Variants in FGF14 observed in about 807,000 individuals in gnomAD.
FGF14 encodes the protein fibroblast growth factor homologous factor 4.
A neutral mutation model predicts 25.5 loss-of-function variants in FGF14; 5 were observed. That is an observed-to-expected ratio of 0.20 (90% CI 0.10 to 0.41). FGF14 has a LOEUF of 0.41. FGF14 is among the 10% of genes least tolerant of loss of function. The probability of loss-of-function intolerance (pLI) is 1.00; values close to 1 mark genes in which losing one functional copy is unlikely to be tolerated. For synonymous variants in FGF14, 138 were observed against 118.3 expected, an observed-to-expected ratio of 1.17 and a Z score of -1.08; for missense variants, 222 against 320.1, an observed-to-expected ratio of 0.69 and a Z score of 2.34.
chr13:102,131,738 T>A (rs1312775135), intron 1 of FGF14, among the ~76,000 whole-genome samples: 2 of 152,214 alleles, frequency 1.3e-5, no homozygotes, highest in African/African-American at 4.8e-5. Flanking sequence ...TTCTAAGATG[T>A]TCTAGGCTTT....
At chr13:102,296,691 C>G (rs1411196527) in intron 1 of FGF14, among the ~76,000 whole-genome samples, 1 of 152,124 alleles carries the variant, frequency 6.6e-6, no homozygotes, top group East Asian at 1.9e-4. Flanking sequence ...CAAACCACTT[C>G]CCCCAGAAAA....
intron 3 of FGF14, among the ~76,000 whole-genome samples, chr13:101,753,272 CACACACACACAGACACACACAGACAG>C: frequency 7.3e-6 from 1 of 137,206 alleles, no homozygotes; most frequent in South Asian, 2.6e-4. Flanking sequence ...TGATCAAATA[CACACACACACAGACACACACAGACAG>C]ACACACACAC....
chr13:101,884,467 T>C (rs1250290438), intron 1 of FGF14, among the ~76,000 whole-genome samples: 2 of 152,100 alleles, frequency 1.3e-5, no homozygotes, highest in Admixed American at 1.3e-4. Context: ...GACACCAAGA[T>C]GGAACATAAA....
At chr13:102,245,584 T>A (rs1033758613) in intron 1 of FGF14, among the ~76,000 whole-genome samples, 3 of 152,170 alleles carry the variant, frequency 2.0e-5, no homozygotes, top group Middle Eastern at 6.8e-3. Flanking sequence ...CAGCTAACAT[T>A]AATATTTCTA....
chr13:102,028,432 T>C (rs2041041812), intron 1 of FGF14, among the ~76,000 whole-genome samples: 1 of 152,090 alleles, frequency 6.6e-6, no homozygotes, highest in East Asian at 1.9e-4. Context: ...AGGCATCAAA[T>C]ATGCTGGCAT....
At chr13:101,906,514 C>T (rs1296329061) in intron 1 of FGF14, among the ~76,000 whole-genome samples, 2 of 151,988 alleles carry the variant, frequency 1.3e-5, no homozygotes, top group Non-Finnish European at 1.5e-5. Context: ...ATTTTAAAGG[C>T]TTTTTCAAAA....
chr13:102,372,001 G>T (rs2057899336), intron 1 of FGF14, among the ~76,000 whole-genome samples: 1 of 152,086 alleles, frequency 6.6e-6, no homozygotes, highest in African/African-American at 2.4e-5. Flanking sequence ...TGAAGTTCTT[G>T]GGATCAGATA....
intron 3 of FGF14, among the ~76,000 whole-genome samples, chr13:101,801,238 T>A (rs1057141489): frequency 6.6e-6 from 1 of 152,204 alleles, no homozygotes; most frequent in Non-Finnish European, 1.5e-5. Context: ...TGAGGAACCA[T>A]ATAGAGTCTT....
In FGF14 at chr13:101,963,519, G is replaced by A. The variant is rs143873574; in HGVS notation, c.209-88223C>T. ...ATCCTTAACTGTGCCCCACTCTGCC[G>A]GAAGTTCCTTGTTTTTCTAAGATAC... On this transcript the variant is annotated intron_variant, in intron 1 of 4. Coordinates refer to the FGF14 transcript ENST00000376131. 1.4e-3 allele frequency among the ~76,000 whole-genome samples: 212 copies of A among 152,176 alleles called. 1 individual carries two copies. Among genetic ancestry groups the A allele is most frequent in the African/African-American group, 4.8e-3 (200 of 41,498 alleles).
intron 1 of FGF14, among the ~76,000 whole-genome samples, chr13:102,314,757 C>T (rs2055936073): frequency 6.6e-6 from 1 of 151,994 alleles, no homozygotes; most frequent in African/African-American, 2.4e-5. Flanking sequence ...GAAAAAAAGT[C>T]GTCTTGTGTA....
intron 1 of FGF14, among the ~76,000 whole-genome samples, chr13:102,240,870 A>G (rs981979167): frequency 3.3e-5 from 5 of 152,182 alleles, no homozygotes; most frequent in Non-Finnish European, 7.4e-5. Context: ...TATTTAAAAA[A>G]ATTATCAAAA....
Position 101,916,848 on chromosome 13 carries a change from C to CA in FGF14, c.-204dup, listed in dbSNP as rs1337696522. Among the ~76,000 whole-genome samples, 1 of 152,146 alleles carries CA rather than the reference C, an allele frequency of 6.6e-6. No homozygotes were observed. Among genetic ancestry groups the CA allele is most frequent in the African/African-American group, 2.4e-5 (1 of 41,456 alleles). ...TCCGCGGGGCGCGGGGCCAGGCGCGCAGATGCGCCCAGGGCGCAGCCGGAC... is the reference window on the plus strand; with the variant it reads ...TCCGCGGGGCGCGGGGCCAGGCGCGCAAGATGCGCCCAGGGCGCAGCCGGAC... On this transcript the variant is annotated 5_prime_UTR_variant, in exon 1 of 5. Transcript: ENST00000376143.
intron 1 of FGF14, among the ~76,000 whole-genome samples, chr13:102,242,674 T>C (rs1306167484): frequency 1.3e-5 from 2 of 152,086 alleles, no homozygotes; most frequent in East Asian, 1.9e-4. Flanking sequence ...ACAGCTGCAT[T>C]GGGGATTCAG....
chr13:101,982,221 A>T (rs1476874370), intron 1 of FGF14, among the ~76,000 whole-genome samples: 1 of 152,236 alleles, frequency 6.6e-6, no homozygotes, highest in South Asian at 2.1e-4. Flanking sequence ...CATCACAGTT[A>T]CAGAACATAC....
intron 1 of FGF14, among the ~76,000 whole-genome samples, chr13:102,193,541 C>T (rs1282522163): frequency 6.6e-6 from 1 of 152,100 alleles, no homozygotes; most frequent in South Asian, 2.1e-4. Flanking sequence ...TTAATGGTAA[C>T]AGAGTTTTCA....
intron 1 of FGF14, among the ~76,000 whole-genome samples, chr13:102,259,534 T>C (rs2052613385): frequency 6.6e-6 from 1 of 152,162 alleles, no homozygotes; most frequent in Non-Finnish European, 1.5e-5. Context: ...TCCTGTCTCA[T>C]AGCATATATA....
At chr13:102,041,147 TA>T (rs761801903) in intron 1 of FGF14, among the ~76,000 whole-genome samples, 85 of 152,076 alleles carry the variant, frequency 5.6e-4, no homozygotes, top group Non-Finnish European at 9.1e-4. Context: ...AAAAAAAATT[TA>T]TATAACTTTC....
intron 1 of FGF14, among the ~76,000 whole-genome samples, chr13:102,101,375 T>C (rs2044656212): frequency 6.6e-6 from 1 of 152,188 alleles, no homozygotes; most frequent in African/African-American, 2.4e-5. Context: ...TTCAACAGAA[T>C]ATGATATAGT....
At chr13:102,284,637 A>G (rs567685302) in intron 1 of FGF14, among the ~76,000 whole-genome samples, 13 of 152,164 alleles carry the variant, frequency 8.5e-5, no homozygotes, top group Non-Finnish European at 1.3e-4. Context: ...ATACAATTCT[A>G]TGCATTAAGT....
Sources: gnomAD v4.1 joint callset for allele counts (sites outside exome capture counted in the v4.1 genomes callset) on GRCh38, gnomAD v4.1.1 for gene constraint, MANE v1.5 for transcripts, NCBI Gene and HGNC (gene_info 2026-07-23, HGNC 2026-07-21) for gene names.